The following LRRTM4 variants were observed in gnomAD, a reference collection of about 807,000 sequenced individuals.
LRRTM4 encodes leucine rich repeat transmembrane neuronal 4, also known as leucine-rich repeat transmembrane neuronal protein 4.
In LRRTM4, 25 loss-of-function variants were observed where a neutral mutation model predicts 47.6. The observed-to-expected ratio is 0.53, with a 90% CI of 0.38 to 0.73. The LOEUF (loss-of-function observed/expected upper bound fraction) is 0.73, where lower values mean the gene tolerates loss of function less well. Ranked by LOEUF, LRRTM4 falls within the 30% of genes least tolerant of loss-of-function variation. LRRTM4 has a pLI of 0.00. For missense variants in LRRTM4, 638 were observed against 713.4 expected (o/e 0.89, Z 1.20); for synonymous variants, 311 against 269.5 (o/e 1.15, Z -1.51).
At chr2:77,292,964 A>C (rs1325676008) in intron 3 of LRRTM4, among the ~76,000 whole-genome samples, 4 of 151,866 alleles carry the variant, frequency 2.6e-5, no homozygotes, top group Non-Finnish European at 5.9e-5. Context: ...TGCTTTAAAA[A>C]TACCTAAAAC....
intron 3 of LRRTM4, among the ~76,000 whole-genome samples, chr2:77,257,949 A>G (rs997598317): frequency 1.3e-5 from 2 of 151,926 alleles, no homozygotes; most frequent in Admixed American, 6.6e-5. Flanking sequence ...ACAAAAAATT[A>G]GCTGGGCGTG....
intron 3 of LRRTM4, among the ~76,000 whole-genome samples, chr2:77,088,907 C>G (rs1262282213): frequency 3.3e-5 from 5 of 152,148 alleles, no homozygotes; most frequent in Non-Finnish European, 2.9e-5. Flanking sequence ...CACCACACTT[C>G]AATCTCTCCC....
intron 3 of LRRTM4, among the ~76,000 whole-genome samples, chr2:77,513,893 T>C (rs955200253): frequency 1.1e-4 from 16 of 152,230 alleles, no homozygotes; most frequent in South Asian, 2.1e-4. Context: ...GATATGATAA[T>C]ACATTTACCT....
chr2:77,496,444 G>A (rs963583534), intron 3 of LRRTM4, among the ~76,000 whole-genome samples: 2 of 151,774 alleles, frequency 1.3e-5, no homozygotes, highest in African/African-American at 4.8e-5. Context: ...CATTGTGTAT[G>A]ATGTTAGTAA....
chr2:76,828,241 T>G (rs1482200743), intron 3 of LRRTM4, among the ~76,000 whole-genome samples: 3 of 151,856 alleles, frequency 2.0e-5, no homozygotes, highest in African/African-American at 7.2e-5. Context: ...CTCTAAAGAG[T>G]TGCTGCTTCC....
intron 3 of LRRTM4, among the ~76,000 whole-genome samples, chr2:76,964,644 A>G (rs1675964829): frequency 1.4e-5 from 2 of 145,166 alleles, no homozygotes; most frequent in African/African-American, 5.4e-5. Context: ...TGAAAGATCT[A>G]AAATTAATAA....
At chr2:77,019,975 G>A (rs1349670053) in intron 3 of LRRTM4, among the ~76,000 whole-genome samples, 1 of 151,932 alleles carries the variant, frequency 6.6e-6, no homozygotes, top group African/African-American at 2.4e-5. Context: ...AAAAAATGGT[G>A]ACCTGTGTTT....
chr2:77,159,356 G>A (rs1179056745), intron 3 of LRRTM4, among the ~76,000 whole-genome samples: 4 of 151,992 alleles, frequency 2.6e-5, no homozygotes, highest in Non-Finnish European at 4.4e-5. Context: ...AAAAGAAAGT[G>A]TTATTAAGAA....
chr2:77,133,715 A>C (rs538617295), intron 3 of LRRTM4, among the ~76,000 whole-genome samples: 4 of 152,292 alleles, frequency 2.6e-5, no homozygotes, highest in African/African-American at 9.6e-5. Flanking sequence ...TGGTTCTGAG[A>C]GTTTCATGAA....
chr2:77,305,712 T>TAA (rs1677252114), intron 3 of LRRTM4, among the ~76,000 whole-genome samples: 1 of 142,016 alleles, frequency 7.0e-6, no homozygotes, highest in Non-Finnish European at 1.5e-5. Context: ...CTTTTTGATA[T>TAA]GATACCTCAA....
chr2:77,377,377 G>C lies in LRRTM4; in HGVS notation c.1551+140941C>G, dbSNP rs112804692. ...ATTGATCTTAAAAATGCCAATATTA[G>C]TTCTAAAATTGTATGTGTAATATTA... On this transcript the variant is annotated intron_variant, in intron 3 of 3. Coordinates refer to ENST00000409884, the MANE Select transcript of LRRTM4 (RefSeq NM_001134745.3). Among the ~76,000 whole-genome samples the C allele has an allele frequency of 1.1e-3, 174 of 151,944 alleles. 2 individuals are homozygous for C. Among genetic ancestry groups the C allele is most frequent in the African/African-American group, 4.0e-3 (166 of 41,504 alleles).
chr2:77,036,714 C>T (rs1350646290), intron 3 of LRRTM4, among the ~76,000 whole-genome samples: 1 of 151,562 alleles, frequency 6.6e-6, no homozygotes, highest in Non-Finnish European at 1.5e-5. Context: ...CCTTAGTTAG[C>T]TTGGCTCTTG....
At chr2:76,780,873 TC>T (rs1674340841) in intron 3 of LRRTM4, among the ~76,000 whole-genome samples, 1 of 149,558 alleles carries the variant, frequency 6.7e-6, no homozygotes. Context: ...TTCTGTTTTT[TC>T]CCCGTCTTTG....
At chr2:76,780,066 C>T (rs1450631543) in intron 3 of LRRTM4, among the ~76,000 whole-genome samples, 3 of 152,160 alleles carry the variant, frequency 2.0e-5, no homozygotes, top group Non-Finnish European at 4.4e-5. Flanking sequence ...AAATTCTTTT[C>T]TTTATGAATG....
chr2:77,050,418 A>G (rs753755015), intron 3 of LRRTM4, among the ~76,000 whole-genome samples: 4 of 152,176 alleles, frequency 2.6e-5, no homozygotes, highest in African/African-American at 9.7e-5. Context: ...CCCCTCAACT[A>G]TATTACCTTG....
chr2:76,992,301 G>C (rs1281234015), intron 3 of LRRTM4, among the ~76,000 whole-genome samples: 2 of 151,692 alleles, frequency 1.3e-5, no homozygotes, highest in African/African-American at 4.8e-5. Context: ...CCAGGCAAGA[G>C]AAAGAAATGA....
At chr2:77,260,300 C>T (rs1357532721) in intron 3 of LRRTM4, among the ~76,000 whole-genome samples, 1 of 151,686 alleles carries the variant, frequency 6.6e-6, no homozygotes, top group Non-Finnish European at 1.5e-5. Context: ...GGGCAGTCTC[C>T]AGGAGCTTCC....
At chr2:76,799,631 G>T (rs971460482) in intron 3 of LRRTM4, among the ~76,000 whole-genome samples, 1 of 136,576 alleles carries the variant, frequency 7.3e-6, no homozygotes, top group Non-Finnish European at 1.6e-5. Context: ...GAAATAAAGG[G>T]TATTCAATTA....
intron 3 of LRRTM4, among the ~76,000 whole-genome samples, chr2:77,373,079 TAAA>T (rs34776298): frequency 7.5e-6 from 1 of 133,408 alleles, no homozygotes; most frequent in African/African-American, 2.7e-5. Context: ...AACCAACAAT[TAAA>T]AAAAAAATAT....
Sources: allele counts gnomAD v4.1 joint callset (sites outside exome capture counted in the v4.1 genomes callset), GRCh38; gene constraint gnomAD v4.1.1; transcripts MANE v1.5; gene names NCBI Gene and HGNC (gene_info 2026-07-23, HGNC 2026-07-21).